LRRC4C: variants seen among roughly 807,000 people sequenced by gnomAD.
LRRC4C encodes leucine-rich repeat-containing protein 4C.
In LRRC4C, 5 loss-of-function variants were observed where a neutral mutation model predicts 33.6. The ratio of observed to expected loss-of-function variants is 0.15; its 90% CI spans 0.08 to 0.31. The LOEUF (loss-of-function observed/expected upper bound fraction) is 0.31, where lower values mean the gene tolerates loss of function less well. LRRC4C is among the 10% of genes least tolerant of loss of function. The pLI is 1.00. For missense variants in LRRC4C, 560 were observed against 796.7 expected, an observed-to-expected ratio of 0.70 and a Z score of 3.58; for synonymous variants, 329 against 302.0, an observed-to-expected ratio of 1.09 and a Z score of -0.93.
intron 5 of LRRC4C, among the ~76,000 whole-genome samples, chr11:40,196,490 A>ACCTGT (rs1862273273): frequency 6.6e-6 from 1 of 152,208 alleles, no homozygotes; most frequent in Non-Finnish European, 1.5e-5. Flanking sequence ...TGTTACCGTA[A>ACCTGT]CCTGTAACTT....
chr11:40,410,771 T>G (rs1950129849), intron 3 of LRRC4C, among the ~76,000 whole-genome samples: 1 of 152,172 alleles, frequency 6.6e-6, no homozygotes, highest in African/African-American at 2.4e-5. Flanking sequence ...TCCAGTAACG[T>G]AGGTGTTGCC....
At chr11:41,174,981 T>C (rs941951738) in intron 1 of LRRC4C, among the ~76,000 whole-genome samples, 1 of 152,196 alleles carries the variant, frequency 6.6e-6, no homozygotes, top group African/African-American at 2.4e-5. Flanking sequence ...TAAATTAATT[T>C]AATTAATGCT....
At position 41,042,998 on chromosome 11, in the gene LRRC4C, TTG is replaced by T. The variant is rs1491409759; in HGVS notation, c.-495-109277_-495-109276del. Among the ~76,000 whole-genome samples the T allele has an allele frequency of 7.4e-3, 770 of 104,150 alleles. 8 individuals carry two copies. The highest frequency in any genetic ancestry group is 0.019 in the African/African-American group (594 of 32,084). 68.3% of individuals were successfully genotyped at this position (104,150 alleles called of 152,430 possible). A position where few individuals can be genotyped will look rare whatever the true frequency, so the allele number is the denominator to read the frequency against. On this transcript the variant is annotated intron_variant, in intron 1 of 6. Coordinates refer to ENST00000528697, the MANE Select transcript of LRRC4C (RefSeq NM_001258419.2). ...TTCCAATGAACTACTGCCACCTGTT[TTG>T]TTTTTTTTTTTCCTTCTTTGCTTTA...
chr11:40,197,088 T>C (rs1862322460), intron 5 of LRRC4C, among the ~76,000 whole-genome samples: 1 of 152,208 alleles, frequency 6.6e-6, no homozygotes, highest in South Asian at 2.1e-4. Flanking sequence ...CAGAACCCGA[T>C]ACTCTTTTAT....
intron 1 of LRRC4C, among the ~76,000 whole-genome samples, chr11:41,248,004 C>A (rs1454196239): frequency 6.6e-6 from 1 of 152,104 alleles, no homozygotes; most frequent in Non-Finnish European, 1.5e-5. Context: ...CTAGAATACA[C>A]TCAAGCTGAG....
At chr11:41,096,769 T>G (rs1318301198) in intron 1 of LRRC4C, among the ~76,000 whole-genome samples, 5 of 152,108 alleles carry the variant, frequency 3.3e-5, no homozygotes, top group Non-Finnish European at 7.4e-5. Flanking sequence ...TGTAGCATCC[T>G]ATAAGGTAAA....
intron 1 of LRRC4C, among the ~76,000 whole-genome samples, chr11:41,271,513 A>G (rs1379724076): frequency 1.3e-5 from 2 of 151,444 alleles, no homozygotes; most frequent in Non-Finnish European, 2.9e-5. Flanking sequence ...CAACCCTTCA[A>G]CTTTTTGTTC....
At chr11:40,905,566 G>A (rs1231126266) in intron 2 of LRRC4C, among the ~76,000 whole-genome samples, 1 of 152,160 alleles carries the variant, frequency 6.6e-6, no homozygotes, top group Non-Finnish European at 1.5e-5. Flanking sequence ...CATATGCTCT[G>A]CTTTCCACTG....
chr11:41,369,189 A>G (rs1254056845), intron 1 of LRRC4C, among the ~76,000 whole-genome samples: 8 of 152,234 alleles, frequency 5.3e-5, no homozygotes, highest in Non-Finnish European at 1.0e-4. Context: ...AGATAAATAC[A>G]TATGCACAAA....
At chr11:41,388,766 G>T (rs936555530) in intron 1 of LRRC4C, among the ~76,000 whole-genome samples, 5 of 151,842 alleles carry the variant, frequency 3.3e-5, no homozygotes, top group Non-Finnish European at 7.4e-5. Context: ...TATACCAAAA[G>T]ACAGGAAGAG....
At chr11:40,988,713 C>CCTTTTT (rs1203305681) in intron 1 of LRRC4C, among the ~76,000 whole-genome samples, 1 of 57,750 alleles carries the variant, frequency 1.7e-5, no homozygotes, top group Non-Finnish European at 4.1e-5. Context: ...CTTTTCTTTT[C>CCTTTTT]TTTTTTTTTT....
At chr11:41,300,543 G>A (rs775289719) in intron 1 of LRRC4C, among the ~76,000 whole-genome samples, 8 of 152,144 alleles carry the variant, frequency 5.3e-5, no homozygotes, top group African/African-American at 1.7e-4. Flanking sequence ...TGGGAATGTC[G>A]TGTCAATCTT....
At chr11:41,077,603 C>T (rs1319564785) in intron 1 of LRRC4C, among the ~76,000 whole-genome samples, 1 of 152,038 alleles carries the variant, frequency 6.6e-6, no homozygotes, top group African/African-American at 2.4e-5. Flanking sequence ...GGCCCTGGGC[C>T]CAAACCAGGA....
intron 3 of LRRC4C, among the ~76,000 whole-genome samples, chr11:40,603,895 G>T (rs1960286150): frequency 6.6e-6 from 1 of 152,086 alleles, no homozygotes; most frequent in African/African-American, 2.4e-5. Context: ...CAAAAATCTG[G>T]TAGAATAATT....
intron 1 of LRRC4C, among the ~76,000 whole-genome samples, chr11:41,135,431 C>T (rs778547474): frequency 3.4e-4 from 51 of 152,072 alleles, no homozygotes; most frequent in Non-Finnish European, 4.1e-4. Flanking sequence ...GGAACGAAAA[C>T]ATGGCAATAA....
At chr11:40,890,671 A>G (rs1046470662) in intron 2 of LRRC4C, among the ~76,000 whole-genome samples, 1 of 152,116 alleles carries the variant, frequency 6.6e-6, no homozygotes, top group Non-Finnish European at 1.5e-5. Flanking sequence ...CTGAACATGG[A>G]GAGAAAATAC....
chr11:40,762,851 C>T (rs772514440), intron 2 of LRRC4C, among the ~76,000 whole-genome samples: 4 of 151,782 alleles, frequency 2.6e-5, no homozygotes, highest in East Asian at 1.9e-4. Flanking sequence ...CAAACTCTTT[C>T]GAGATTTACT....
chr11:40,964,157 T>C (rs1173735588), intron 1 of LRRC4C, among the ~76,000 whole-genome samples: 3 of 151,602 alleles, frequency 2.0e-5, no homozygotes, highest in Non-Finnish European at 3.0e-5. Flanking sequence ...TGAGGATCCA[T>C]AGAGATTATA....
At chr11:41,319,923 T>G (rs953469877) in intron 1 of LRRC4C, among the ~76,000 whole-genome samples, 8 of 152,174 alleles carry the variant, frequency 5.3e-5, no homozygotes, top group Admixed American at 1.3e-4. Flanking sequence ...ATTATTTTAA[T>G]GTGTTTTAAT....
Sources: gnomAD v4.1 joint callset for allele counts (sites outside exome capture counted in the v4.1 genomes callset) on GRCh38, gnomAD v4.1.1 for gene constraint, MANE v1.5 for transcripts, NCBI Gene and HGNC (gene_info 2026-07-23, HGNC 2026-07-21) for gene names.